Variants in SFRP1 observed in about 807,000 individuals in gnomAD.
The protein encoded by SFRP1 is secreted frizzled related protein 1.
SFRP1 carries 9 observed loss-of-function variants against 25.9 expected under a neutral mutation model. The observed-to-expected ratio is 0.35, with a 90% confidence interval of 0.21 to 0.61. The LOEUF (loss-of-function observed/expected upper bound fraction) is 0.61, where lower values mean the gene tolerates loss of function less well. Among genes scored for constraint, SFRP1 ranks in the 20% least tolerant of loss-of-function variants. The pLI is 0.78. For missense variants in SFRP1, 346 were observed against 418.2 expected (o/e 0.83, Z 1.51); for synonymous variants, 178 against 174.0 (o/e 1.02, Z -0.18).
intron 2 of SFRP1, among the ~76,000 whole-genome samples, chr8:41,269,937 G>T (rs1306615765): frequency 6.6e-6 from 1 of 152,198 alleles, no homozygotes; most frequent in Non-Finnish European, 1.5e-5. Context: ...TAAATGCCAC[G>T]GGAGGCCCCG....
At chr8:41,270,223 G>A (rs1049908182) in intron 2 of SFRP1, among the ~76,000 whole-genome samples, 2 of 152,298 alleles carry the variant, frequency 1.3e-5, no homozygotes, top group East Asian at 1.9e-4. Context: ...TTGCAGGCAC[G>A]CTAGCCACAT....
At chr8:41,295,491 T>A (rs987839195) in intron 2 of SFRP1, among the ~76,000 whole-genome samples, 1 of 150,040 alleles carries the variant, frequency 6.7e-6, no homozygotes, top group Non-Finnish European at 1.5e-5. Flanking sequence ...ATCACACCAC[T>A]GCACACCAGC....
chr8:41,301,089 G>A (rs557735775), intron 2 of SFRP1, among the ~76,000 whole-genome samples: 13 of 152,270 alleles, frequency 8.5e-5, no homozygotes, highest in South Asian at 2.1e-4. Flanking sequence ...AGAGGCTCCC[G>A]GAGACCACAG....
Position 41,264,796 on chromosome 8 carries a change from T to A in SFRP1, c.*371A>T. 1 of 202,110 alleles carries A rather than the reference T, an allele frequency of 4.9e-6. No homozygotes were observed. The highest frequency in any genetic ancestry group is 1.4e-4 in the South Asian group (1 of 7,400). 12.5% of individuals were successfully genotyped at this position (202,110 alleles called of 1,614,324 possible). The stretch of plus-strand genomic sequence containing the variant: ...CAGCCAATAGATCCACACCAACAAG[T>A]TGCAAAATGTAGTTTTTGCTGCTGG... On this transcript the variant is annotated 3_prime_UTR_variant, in exon 3 of 3. Transcript: ENST00000220772.
chr8:41,297,968 T>C (rs1282825907), intron 2 of SFRP1, among the ~76,000 whole-genome samples: 1 of 152,194 alleles, frequency 6.6e-6, no homozygotes, highest in Non-Finnish European at 1.5e-5. Context: ...GTGTGCAATC[T>C]GGCCTGGATG....
At chr8:41,270,769 G>T (rs1173631152) in intron 2 of SFRP1, among the ~76,000 whole-genome samples, 1 of 149,448 alleles carries the variant, frequency 6.7e-6, no homozygotes, top group African/African-American at 2.5e-5. Flanking sequence ...ATTGCAGTGA[G>T]CCGAGAGCGC....
chr8:41,284,742 T>A (rs1402231127), intron 2 of SFRP1, among the ~76,000 whole-genome samples: 1 of 152,158 alleles, frequency 6.6e-6, no homozygotes, highest in Non-Finnish European at 1.5e-5. Context: ...CTGAAGAGCA[T>A]TCTTAGGTGA....
intron 2 of SFRP1, chr8:41,271,448 C>T: frequency 5.6e-6 from 1 of 179,526 alleles, no homozygotes; most frequent in Admixed American, 5.3e-5. Flanking sequence ...TCACCAGCAG[C>T]TCTCCTGGAG....
chr8:41,307,158 G>A (rs1804008511), intron 1 of SFRP1, among the ~76,000 whole-genome samples: 1 of 152,206 alleles, frequency 6.6e-6, no homozygotes, highest in Non-Finnish European at 1.5e-5. Context: ...CAGAACACAA[G>A]GCGCTTTGTT....
chr8:41,304,091 G>T lies in SFRP1; in HGVS notation c.545-553C>A, dbSNP rs185189880. On this transcript the variant is annotated intron_variant, in intron 1 of 2. Coordinates refer to ENST00000220772, the MANE Select transcript of SFRP1 (RefSeq NM_003012.5). ...CTCCAAAAGGGCCACCGCAGCAGGA[G>T]GCCAGGGCAGGCGGGCGGGGTGGGG... Among the ~76,000 whole-genome samples, 140 of 152,316 alleles carry T rather than the reference G, an allele frequency of 9.2e-4. 1 individual carries two copies. In the East Asian group the frequency reaches 0.022, roughly 24 times the overall value.
At position 41,262,104 on chromosome 8, in the gene SFRP1, A is replaced by C. The variant is rs1042439053; in HGVS notation, c.*3063T>G. 6.6e-6 allele frequency: 1 copy of C among 152,592 alleles called. No homozygotes were observed. The highest frequency in any genetic ancestry group is 2.1e-4 in the South Asian group (1 of 4,832). The allele number at this position is 152,592 out of a possible 1,614,324, so 9.5% of individuals were successfully genotyped here. A position where few individuals can be genotyped will look rare whatever the true frequency, so the allele number is the denominator to read the frequency against. On this transcript the variant is annotated 3_prime_UTR_variant, in exon 3 of 3. Transcript: ENST00000220772. ...GGTAAAATGCAGTTAAAAAAACAAC[A>C]CAAATGAAATGGAATGTAAAACATT...
chr8:41,268,331 C>T (rs1025038347), intron 2 of SFRP1, among the ~76,000 whole-genome samples: 5 of 152,206 alleles, frequency 3.3e-5, no homozygotes, highest in Admixed American at 2.6e-4. Flanking sequence ...TCAGAACCCA[C>T]ACCTAACCCC....
At position 41,275,628 on chromosome 8, in the gene SFRP1, G is replaced by A. The variant is rs190929435; in HGVS notation, c.623-10139C>T. Among the ~76,000 whole-genome samples the A allele has an allele frequency of 6.3e-3, 951 of 151,822 alleles. 11 individuals are homozygous for A. Among genetic ancestry groups the A allele is most frequent in the African/African-American group, 0.021 (860 of 41,398 alleles). ...AGCAATTCTCCTGCCTCAGCCTCCC[G>A]AGTAGCTGGGACTACAGGCACACAC... On this transcript the variant is annotated intron_variant, in intron 2 of 2. Transcript: ENST00000220772.
At chr8:41,270,858 A>T (rs1803496334) in intron 2 of SFRP1, among the ~76,000 whole-genome samples, 2 of 152,042 alleles carry the variant, frequency 1.3e-5, no homozygotes, top group South Asian at 4.2e-4. Context: ...AAAGGGGGAA[A>T]AAAAGAAGGC....
chr8:41,277,222 C>T (rs1166693042), intron 2 of SFRP1, among the ~76,000 whole-genome samples: 1 of 151,524 alleles, frequency 6.6e-6, no homozygotes, highest in African/African-American at 2.4e-5. Flanking sequence ...CAGCCCCCCA[C>T]CCTCACCACC....
Position 41,295,385 on chromosome 8 carries a change from C to T in SFRP1, c.622+8076G>A, listed in dbSNP as rs1406671736. 2.6e-5 allele frequency among the ~76,000 whole-genome samples: 4 copies of T among 151,962 alleles called. No homozygotes were observed. The South Asian group carries it at 6.2e-4, about 24-fold the overall frequency. The stretch of plus-strand genomic sequence containing the variant: ...CAAAAAAAAAGAAAAAAAAATTAGC[C>T]GAGCATGGTGGTGGGCGCCTGTAAT... On this transcript the variant is annotated intron_variant, in intron 2 of 2. Coordinates refer to ENST00000220772, the MANE Select transcript of SFRP1 (RefSeq NM_003012.5).
Position 41,265,019 on chromosome 8 carries a change from G to T in SFRP1, c.*148C>A. 3.2e-6 allele frequency: 2 copies of T among 631,644 alleles called. No individual in the cohort carries two copies. The highest frequency in any genetic ancestry group is 5.5e-6 in the Non-Finnish European group (2 of 366,650). The allele number at this position is 631,644 out of a possible 1,614,324, so 39.1% of individuals were successfully genotyped here. On this transcript the variant is annotated 3_prime_UTR_variant, in exon 3 of 3. Coordinates refer to ENST00000220772, the MANE Select transcript of SFRP1 (RefSeq NM_003012.5). ...AGCGTGGCTATGGAGGGAAGGGAGCGGGAATGCTGCAAGAACAAGCCGACT... is the reference window on the plus strand; with the variant it reads ...AGCGTGGCTATGGAGGGAAGGGAGCTGGAATGCTGCAAGAACAAGCCGACT...
At chr8:41,287,305 C>T (rs558763314) in intron 2 of SFRP1, among the ~76,000 whole-genome samples, 60 of 152,360 alleles carry the variant, frequency 3.9e-4, no homozygotes, top group African/African-American at 1.3e-3. Context: ...GAATGACAGG[C>T]GTGCCAGCTT....
intron 2 of SFRP1, among the ~76,000 whole-genome samples, chr8:41,289,101 G>A (rs1237968218): frequency 6.6e-6 from 1 of 152,122 alleles, no homozygotes; most frequent in Non-Finnish European, 1.5e-5. Flanking sequence ...ACCCTCTCAG[G>A]CACATAGCGA....
Sources: allele counts gnomAD v4.1 joint callset (sites outside exome capture counted in the v4.1 genomes callset), GRCh38; gene constraint gnomAD v4.1.1; transcripts MANE v1.5; gene names NCBI Gene and HGNC (gene_info 2026-07-23, HGNC 2026-07-21).